The following SYNPO2 variants were observed in gnomAD, a reference collection of about 807,000 sequenced individuals.
SYNPO2 encodes the protein synaptopodin 2.
A neutral mutation model predicts 85.0 loss-of-function variants in SYNPO2; 56 were observed. The ratio of observed to expected loss-of-function variants is 0.66; its 90% CI spans 0.53 to 0.82. The LOEUF (loss-of-function observed/expected upper bound fraction) is 0.82, where lower values mean the gene tolerates loss of function less well. Ranked by LOEUF, SYNPO2 falls within the 40% of genes least tolerant of loss-of-function variation. The pLI is 0.00. For missense variants in SYNPO2, 1,575 were observed against 1,534.2 expected, an observed-to-expected ratio of 1.03 and a Z score of -0.44; for synonymous variants, 602 against 591.1, an observed-to-expected ratio of 1.02 and a Z score of -0.27.
At chr4:118,881,872 A>G (rs1347384085) in intron 1 of SYNPO2, among the ~76,000 whole-genome samples, 2 of 152,238 alleles carry the variant, frequency 1.3e-5, no homozygotes, top group Non-Finnish European at 1.5e-5. Context: ...TGGAAACCAC[A>G]CAAGTATTCC....
In SYNPO2 at chr4:118,927,762, T is replaced by TAGATG. The variant is rs1560874443; in HGVS notation, c.105+38622_105+38623insGATGA. On this transcript the variant is annotated intron_variant, in intron 1 of 4. Coordinates refer to ENST00000307142, the MANE Select transcript of SYNPO2 (RefSeq NM_133477.3). ...TAGATAGATAGATGATAGATAGATA[T>TAGATG]ATAGATAGATAGATGATAGATAGAT... Among the ~76,000 whole-genome samples the TAGATG allele has an allele frequency of 3.5e-4, 28 of 80,000 alleles. No homozygotes were observed. The East Asian group carries it at 0.012, about 35-fold the overall frequency. The allele number at this position is 80,000 out of a possible 152,430, so 52.5% of individuals were successfully genotyped here.
At chr4:118,885,322 A>T (rs142891428), upstream of SYNPO2, among the ~76,000 whole-genome samples, 1,863 of 152,240 alleles carry the variant, frequency 0.012, 37 homozygotes, top group African/African-American at 0.043. Flanking sequence ...TTGGAGTAAA[A>T]AATGAATTGA....
chr4:118,982,777 T>C (rs1736080556), intron 1 of SYNPO2, among the ~76,000 whole-genome samples: 1 of 152,196 alleles, frequency 6.6e-6, no homozygotes, highest in African/African-American at 2.4e-5. Context: ...CTGGAAGGCA[T>C]TCTACATTCT....
intron 1 of SYNPO2, among the ~76,000 whole-genome samples, chr4:118,937,445 C>T (rs763143024): frequency 6.6e-6 from 1 of 152,120 alleles, no homozygotes; most frequent in Admixed American, 6.5e-5. Flanking sequence ...TTTTAGGACC[C>T]CATGTTATAT....
intron 1 of SYNPO2, among the ~76,000 whole-genome samples, chr4:118,955,258 C>T (rs969587073): frequency 9.2e-5 from 14 of 152,116 alleles, no homozygotes; most frequent in African/African-American, 3.4e-4. Flanking sequence ...CCTGGGCCTC[C>T]CAAAGTGCTG....
chr4:118,900,693 CTCTCTCTCTCTATATA>C (rs1476012923), intron 1 of SYNPO2, among the ~76,000 whole-genome samples: 2,045 of 48,902 alleles, frequency 0.042, 21 homozygotes, highest in Non-Finnish European at 0.067. Context: ...CTCTCTCTCT[CTCTCTCTCTCTATATA>C]TATATATATA....
intron 1 of SYNPO2, among the ~76,000 whole-genome samples, chr4:119,010,557 G>A (rs538239563): frequency 4.6e-5 from 7 of 152,322 alleles, no homozygotes; most frequent in African/African-American, 1.7e-4. Context: ...TGAGATTTGG[G>A]TGGGAACACA....
chr4:118,869,074 A>G lies in SYNPO2; in HGVS notation c.12+18134A>G, dbSNP rs77045157. ...TTGCAAAAAGAAAATTATTATTATTATTATTTTTGAGACAGAGTTTCGCTC... is the reference window on the plus strand; with the variant it reads ...TTGCAAAAAGAAAATTATTATTATTGTTATTTTTGAGACAGAGTTTCGCTC... On this transcript the variant is annotated intron_variant, in intron 1 of 4. Transcript: ENST00000610556. 7.8e-3 allele frequency among the ~76,000 whole-genome samples: 1,180 copies of G among 152,162 alleles called. 14 individuals carry two copies. The highest frequency in any genetic ancestry group is 0.027 in the African/African-American group (1,110 of 41,486).
intron 1 of SYNPO2, among the ~76,000 whole-genome samples, chr4:118,894,327 G>A (rs994624885): frequency 1.3e-5 from 2 of 152,122 alleles, no homozygotes; most frequent in Non-Finnish European, 2.9e-5. Flanking sequence ...AGTGGTGGGA[G>A]GGTTTTCCCT....
chr4:119,002,720 C>CT (rs1347209811), intron 1 of SYNPO2, among the ~76,000 whole-genome samples: 1 of 152,078 alleles, frequency 6.6e-6, no homozygotes, highest in Non-Finnish European at 1.5e-5. Flanking sequence ...TTTTCTTCCT[C>CT]TTTTTTGTGG....
chr4:118,967,748 A>G (rs1014838904), intron 1 of SYNPO2, among the ~76,000 whole-genome samples: 11 of 152,210 alleles, frequency 7.2e-5, no homozygotes, highest in Non-Finnish European at 1.3e-4. Context: ...TCTCCTTAAG[A>G]AATCATAAGA....
chr4:119,004,443 T>C (rs536428950), intron 1 of SYNPO2, among the ~76,000 whole-genome samples: 1,934 of 147,842 alleles, frequency 0.013, 41 homozygotes, highest in African/African-American at 0.046. Context: ...GTTCTCATTG[T>C]TCAATTCCCA....
At position 118,882,608 on chromosome 4, in the gene SYNPO2, T is replaced by TCA. The variant is rs547885997; in HGVS notation, c.12+31680_12+31681dup. Among the ~76,000 whole-genome samples the TCA allele has an allele frequency of 7.2e-3, 1,092 of 151,728 alleles. 13 individuals carry two copies. The highest frequency in any genetic ancestry group is 0.025 in the African/African-American group (1,038 of 41,422). On this transcript the variant is annotated intron_variant, in intron 1 of 4. Transcript: ENST00000610556. ...TCCTAAAATATGTGCTCTCTCTCTC[T>TCA]CACACACACACACCCCACACACCTT...
chr4:118,899,999 G>C (rs1732668464), intron 1 of SYNPO2, among the ~76,000 whole-genome samples: 1 of 152,022 alleles, frequency 6.6e-6, no homozygotes, highest in South Asian at 2.1e-4. Flanking sequence ...TGACTTTAGG[G>C]GATCCACCCA....
intron 1 of SYNPO2, among the ~76,000 whole-genome samples, chr4:118,898,161 G>T (rs555654980): frequency 6.6e-6 from 1 of 152,160 alleles, no homozygotes; most frequent in East Asian, 1.9e-4. Context: ...CCATTTTTGA[G>T]AATTTTGTCA....
intron 1 of SYNPO2, among the ~76,000 whole-genome samples, chr4:118,881,436 C>G (rs1732097639): frequency 6.6e-6 from 1 of 152,170 alleles, no homozygotes; most frequent in Admixed American, 6.5e-5. Flanking sequence ...TCTGCTGACA[C>G]CTTGATCTCA....
At chr4:119,022,724 A>AGTTGT (rs1553947323) in intron 1 of SYNPO2, among the ~76,000 whole-genome samples, 1 of 142,300 alleles carries the variant, frequency 7.0e-6, no homozygotes, top group Non-Finnish European at 1.5e-5. Flanking sequence ...ATTTTATTTT[A>AGTTGT]ATTTTATTTT....
intron 1 of SYNPO2, among the ~76,000 whole-genome samples, chr4:118,903,573 A>T (rs1218317625): frequency 6.6e-6 from 1 of 152,176 alleles, no homozygotes; most frequent in Admixed American, 6.5e-5. Context: ...GATAAATATG[A>T]CATTTCAGAA....
At chr4:118,936,694 C>A (rs972705778) in intron 1 of SYNPO2, among the ~76,000 whole-genome samples, 8 of 152,092 alleles carry the variant, frequency 5.3e-5, no homozygotes, top group African/African-American at 1.9e-4. Context: ...TTCTCCATTT[C>A]CCCCATCCTA....
Sources: allele counts gnomAD v4.1 joint callset (sites outside exome capture counted in the v4.1 genomes callset), GRCh38; gene constraint gnomAD v4.1.1; transcripts MANE v1.5; gene names NCBI Gene and HGNC (gene_info 2026-07-23, HGNC 2026-07-21).